AOAH: variants seen among roughly 807,000 people sequenced by gnomAD.
AOAH encodes acyloxyacyl hydrolase.
AOAH carries 64 observed loss-of-function variants against 92.2 expected under a neutral mutation model. The observed-to-expected ratio is 0.69, with a 90% CI of 0.57 to 0.86. AOAH has a LOEUF of 0.86. Among genes scored for constraint, AOAH ranks in the 40% least tolerant of loss-of-function variants. The probability of loss-of-function intolerance (pLI) is 0.00; values close to 1 mark genes in which losing one functional copy is unlikely to be tolerated. For missense variants in AOAH, 656 were observed against 694.6 expected (o/e 0.94, Z 0.62); for synonymous variants, 263 against 254.5 (o/e 1.03, Z -0.32).
At chr7:36,568,738 C>G (rs1033855190) in intron 13 of AOAH, among the ~76,000 whole-genome samples, 1 of 152,156 alleles carries the variant, frequency 6.6e-6, no homozygotes, top group East Asian at 1.9e-4. Context: ...TTCTCTTCTC[C>G]CCTCCCCTTC....
intron 2 of AOAH, among the ~76,000 whole-genome samples, chr7:36,681,461 C>T (rs1796638492): frequency 2.6e-5 from 4 of 152,068 alleles, no homozygotes; most frequent in Admixed American, 2.6e-4. Context: ...AAATTAAAGC[C>T]TTCGCAAGGG....
At chr7:36,711,577 T>G (rs1384911380) in intron 1 of AOAH, among the ~76,000 whole-genome samples, 1 of 152,046 alleles carries the variant, frequency 6.6e-6, no homozygotes, top group Non-Finnish European at 1.5e-5. Context: ...AACCTACCAT[T>G]TGTGCTAAAG....
rs55722834 is a variant in AOAH, at chr7:36,616,550, C to T, written c.752-76G>A. On this transcript the variant is annotated intron_variant, in intron 10 of 20. Coordinates refer to ENST00000617537, the MANE Select transcript of AOAH (RefSeq NM_001637.4). ...CCTCCAGACTGGGTAGATATAAGAG[C>T]GGATACCCTAGTGTGTATTCCAGGC... 724 of 1,182,946 alleles carry T rather than the reference C, an allele frequency of 6.1e-4. 1 individual carries two copies. In the African/African-American group the frequency reaches 9.5e-3, roughly 16 times the overall value. The allele number at this position is 1,182,946 out of a possible 1,614,324, so 73.3% of individuals were successfully genotyped here.
chr7:36,698,918 G>C (rs1443423756), intron 1 of AOAH, among the ~76,000 whole-genome samples: 1 of 151,704 alleles, frequency 6.6e-6, no homozygotes, highest in Admixed American at 6.6e-5. Flanking sequence ...TTCTATCTAG[G>C]TATGCATTTG....
At chr7:36,718,300 ATAAC>A (rs1315104034) in intron 1 of AOAH, among the ~76,000 whole-genome samples, 1 of 152,236 alleles carries the variant, frequency 6.6e-6, no homozygotes, top group East Asian at 1.9e-4. Flanking sequence ...AAAATGATGA[ATAAC>A]TAAGTGTTGG....
At chr7:36,624,015 T>G (rs115743024) in intron 6 of AOAH, among the ~76,000 whole-genome samples, 56 of 152,328 alleles carry the variant, frequency 3.7e-4, no homozygotes, top group African/African-American at 1.3e-3. Flanking sequence ...ACGCTGTAAA[T>G]GACTTTGTAA....
chr7:36,626,257 C>G (rs1412960034), intron 6 of AOAH, among the ~76,000 whole-genome samples: 6 of 152,328 alleles, frequency 3.9e-5, no homozygotes, highest in Non-Finnish European at 8.8e-5. Context: ...GAAAAAGGAG[C>G]TGCAGGAAAG....
intron 13 of AOAH, among the ~76,000 whole-genome samples, chr7:36,567,727 T>C (rs2116546772): frequency 6.6e-6 from 1 of 152,192 alleles, no homozygotes; most frequent in Middle Eastern, 3.4e-3. Flanking sequence ...GCCCGAATAG[T>C]GGTGTTTTTG....
At chr7:36,705,099 T>A (rs567122555) in intron 1 of AOAH, among the ~76,000 whole-genome samples, 2 of 152,268 alleles carry the variant, frequency 1.3e-5, no homozygotes, top group South Asian at 4.1e-4. Context: ...AAGGATGTGC[T>A]CTCTCACCAC....
intron 2 of AOAH, among the ~76,000 whole-genome samples, chr7:36,681,403 G>A (rs997678774): frequency 6.6e-6 from 1 of 151,840 alleles, no homozygotes; most frequent in Non-Finnish European, 1.5e-5. Context: ...ATCATGTTGC[G>A]TGAAAAAAAA....
intron 2 of AOAH, among the ~76,000 whole-genome samples, chr7:36,678,580 TGTGTGTGTGTGTGTGTGTGTGC>T (rs1310757331): frequency 8.4e-6 from 1 of 118,642 alleles, no homozygotes; most frequent in Non-Finnish European, 1.6e-5. Context: ...TGTGTGTGTG[TGTGTGTGTGTGTGTGTGTGTGC>T]GCGCGCGCGC....
chr7:36,523,965 C>G (rs1784250333), intron 19 of AOAH, among the ~76,000 whole-genome samples: 1 of 152,026 alleles, frequency 6.6e-6, no homozygotes, highest in Non-Finnish European at 1.5e-5. Context: ...TCCTTGCAGT[C>G]CCACAGGAGT....
At chr7:36,722,085 A>G (rs982981227) in intron 1 of AOAH, among the ~76,000 whole-genome samples, 9 of 152,176 alleles carry the variant, frequency 5.9e-5, no homozygotes, top group African/African-American at 2.2e-4. Flanking sequence ...TGTCAGTCCC[A>G]GATCCATCAA....
rs1238351719 is a variant in AOAH at position 36,532,129 on chromosome 7, G to A, written c.1425+18C>T. The A allele has an allele frequency of 6.2e-7, 1 of 1,613,876 alleles. No individual in the cohort carries two copies. The highest frequency in any genetic ancestry group is 8.5e-7 in the Non-Finnish European group (1 of 1,179,738). On this transcript the variant is annotated intron_variant, in intron 18 of 20. Transcript: ENST00000617537. ...AGAATGATCAAAGATGGTATCAAAA[G>A]GCCTGTGACAGTCATACCTCTGAAG...
chr7:36,609,044 C>T (rs1791223299), intron 11 of AOAH, among the ~76,000 whole-genome samples: 2 of 152,058 alleles, frequency 1.3e-5, no homozygotes, highest in African/African-American at 2.4e-5. Flanking sequence ...TAGGCAGTCT[C>T]CCCCAGAGGA....
intron 1 of AOAH, among the ~76,000 whole-genome samples, chr7:36,717,727 A>ATTTTTTTTTTTTTTTTTTTT (rs10624883): frequency 8.1e-6 from 1 of 122,772 alleles, no homozygotes; most frequent in Non-Finnish European, 1.7e-5. Context: ...TTCTCTTCTT[A>ATTTTTTTTTTTTTTTTTTTT]TTTTTTTTTT....
chr7:36,619,496 C>T (rs971040548), intron 9 of AOAH, among the ~76,000 whole-genome samples: 14 of 152,178 alleles, frequency 9.2e-5, no homozygotes, highest in African/African-American at 3.4e-4. Context: ...ATTGATTAGT[C>T]TCCTTTGTCC....
At chr7:36,658,929 C>G (rs1295284825) in intron 4 of AOAH, among the ~76,000 whole-genome samples, 3 of 152,182 alleles carry the variant, frequency 2.0e-5, no homozygotes, top group African/African-American at 7.2e-5. Context: ...TACTGGCAGG[C>G]CAGCTCAAAA....
Position 36,659,157 on chromosome 7 carries a change from C to CAA in AOAH, c.390+8_390+9insTT. 1 of 1,602,744 alleles carries CAA rather than the reference C, an allele frequency of 6.2e-7. No homozygotes were observed. Among genetic ancestry groups the CAA allele is most frequent in the Non-Finnish European group, 8.6e-7 (1 of 1,169,562 alleles). On this transcript the variant is annotated intron_variant, in intron 4 of 20. Coordinates refer to ENST00000617537, the MANE Select transcript of AOAH (RefSeq NM_001637.4). ...TGGAAACAGATGTTCAGAGTGATTA[C>CAA]ACACTCACCTTGGGAAGAGGGTAGA...
Sources: gnomAD v4.1 joint callset for allele counts (sites outside exome capture counted in the v4.1 genomes callset) on GRCh38, gnomAD v4.1.1 for gene constraint, MANE v1.5 for transcripts, NCBI Gene and HGNC (gene_info 2026-07-23, HGNC 2026-07-21) for gene names.